The following LSAMP variants were observed in gnomAD, a reference collection of about 807,000 sequenced individuals.
LSAMP encodes the protein limbic system associated membrane protein.
A neutral mutation model predicts 38.6 loss-of-function variants in LSAMP; 7 were observed. The observed-to-expected ratio is 0.18, with a 90% CI of 0.10 to 0.34. The LOEUF is 0.34. Ranked by LOEUF, LSAMP falls within the 10% of genes least tolerant of loss-of-function variation. LSAMP has a pLI of 1.00. For missense variants in LSAMP, 313 were observed against 420.0 expected, an observed-to-expected ratio of 0.75 and a Z score of 2.23; for synonymous variants, 154 against 166.8, an observed-to-expected ratio of 0.92 and a Z score of 0.59.
At chr3:116,144,560 TAC>T (rs1466683772) in intron 1 of LSAMP, among the ~76,000 whole-genome samples, 1 of 38,134 alleles carries the variant, frequency 2.6e-5, no homozygotes, top group African/African-American at 7.5e-5. Flanking sequence ...ATCATCACCT[TAC>T]TTTTTTTTTT....
At chr3:116,027,453 AT>A (rs1331734261) in intron 2 of LSAMP, among the ~76,000 whole-genome samples, 1 of 152,154 alleles carries the variant, frequency 6.6e-6, no homozygotes, top group Admixed American at 6.6e-5. Flanking sequence ...GTTATTTCAT[AT>A]TCTTCCAATG....
rs146413017 is a variant in LSAMP at position 116,357,113 on chromosome 3, T to C, written c.155+87764A>G. Reference sequence around the variant, plus strand: ...CGGCTAGGAAGTCAGTTGCTTATGATGATAGACCTAATCAACACTTAGGTC... The same window carrying C: ...CGGCTAGGAAGTCAGTTGCTTATGACGATAGACCTAATCAACACTTAGGTC... On this transcript the variant is annotated intron_variant, in intron 1 of 6. Transcript: ENST00000490035. Among the ~76,000 whole-genome samples, 942 of 152,246 alleles carry C rather than the reference T, an allele frequency of 6.2e-3. 9 individuals carry two copies. The highest frequency in any genetic ancestry group is 0.022 in the African/African-American group (894 of 41,540).
intron 1 of LSAMP, among the ~76,000 whole-genome samples, chr3:116,098,571 A>AT (rs777520641): frequency 3.9e-5 from 6 of 152,302 alleles, no homozygotes; most frequent in African/African-American, 1.4e-4. Context: ...AATCATAAGA[A>AT]TTTTTTTATG....
intron 1 of LSAMP, among the ~76,000 whole-genome samples, chr3:116,347,083 G>A (rs192133959): frequency 4.9e-4 from 75 of 152,342 alleles, no homozygotes; most frequent in Admixed American, 1.8e-3. Flanking sequence ...CAAACCCAGA[G>A]TGTTGCTGGA....
intron 2 of LSAMP, among the ~76,000 whole-genome samples, chr3:116,083,861 C>T (rs1200902418): frequency 6.6e-6 from 1 of 152,056 alleles, no homozygotes; most frequent in Non-Finnish European, 1.5e-5. Flanking sequence ...GCTGAATGCC[C>T]CAAGGGGAAG....
intron 6 of LSAMP, among the ~76,000 whole-genome samples, chr3:115,839,416 G>A (rs1040849697): frequency 6.6e-6 from 1 of 151,514 alleles, no homozygotes; most frequent in African/African-American, 2.4e-5. Context: ...TGTAACAATA[G>A]ACCTCCCAAA....
At chr3:115,967,282 T>A (rs1037808485) in intron 3 of LSAMP, among the ~76,000 whole-genome samples, 7 of 152,312 alleles carry the variant, frequency 4.6e-5, no homozygotes, top group African/African-American at 1.7e-4. Flanking sequence ...ATGCTGCCAA[T>A]TTCTTTGCTA....
intron 1 of LSAMP, among the ~76,000 whole-genome samples, chr3:116,125,309 T>C (rs59885527): frequency 0.069 from 10,441 of 152,010 alleles, 1,182 homozygotes; most frequent in African/African-American, 0.24. Flanking sequence ...TTTGTTAGCT[T>C]CCTCTTTCTC....
intron 1 of LSAMP, among the ~76,000 whole-genome samples, chr3:116,358,388 T>C (rs946824226): frequency 3.3e-5 from 5 of 152,128 alleles, no homozygotes; most frequent in Non-Finnish European, 2.9e-5. Context: ...TATATGGATA[T>C]AGGGGAGTTG....
intron 1 of LSAMP, among the ~76,000 whole-genome samples, chr3:116,149,149 C>G (rs1490344019): frequency 1.3e-5 from 2 of 151,870 alleles, no homozygotes; most frequent in Admixed American, 6.6e-5. Flanking sequence ...TGGTGGTGAA[C>G]AGTTCACAGT....
intron 1 of LSAMP, among the ~76,000 whole-genome samples, chr3:116,136,283 G>A (rs1378364146): frequency 3.9e-5 from 6 of 152,226 alleles, no homozygotes; most frequent in East Asian, 3.9e-4. Context: ...CCACATTTTG[G>A]TTGTAAAAGA....
At chr3:116,390,499 A>G (rs559358086) in intron 1 of LSAMP, among the ~76,000 whole-genome samples, 1 of 152,216 alleles carries the variant, frequency 6.6e-6, no homozygotes, top group South Asian at 2.1e-4. Context: ...GTATAACAGC[A>G]TGGTGCAGTT....
chr3:116,439,311 ATTTTGTTGTT>A (rs1350973951), intron 1 of LSAMP, among the ~76,000 whole-genome samples: 2 of 130,756 alleles, frequency 1.5e-5, no homozygotes, highest in Non-Finnish European at 3.3e-5. Flanking sequence ...AGGTCCTGAG[ATTTTGTTGTT>A]TTTTTTTTTT....
chr3:115,825,147 A>G (rs1352312262), intron 6 of LSAMP, among the ~76,000 whole-genome samples: 1 of 152,228 alleles, frequency 6.6e-6, no homozygotes, highest in African/African-American at 2.4e-5. Flanking sequence ...ATAACAAGTG[A>G]ATTTGTGAGA....
chr3:115,923,764 C>T (rs1005072157), intron 3 of LSAMP, among the ~76,000 whole-genome samples: 6 of 152,126 alleles, frequency 3.9e-5, no homozygotes, highest in Non-Finnish European at 8.8e-5. Flanking sequence ...TGAACTCCTA[C>T]TTAGATTTCT....
chr3:116,108,396 C>A (rs1436170909), intron 1 of LSAMP, among the ~76,000 whole-genome samples: 1 of 152,032 alleles, frequency 6.6e-6, no homozygotes, highest in East Asian at 1.9e-4. Context: ...AGAAGCCTGG[C>A]CGTCAATACC....
At position 116,324,396 on chromosome 3, in the gene LSAMP, C is replaced by A. The variant is rs1022690510; in HGVS notation, c.155+120481G>T. On this transcript the variant is annotated intron_variant, in intron 1 of 6. Transcript: ENST00000490035. ...TACATCATCAAGCATAATAGTCATTCGTTTACTCACTTAGGAAGAACTAAT... is the reference window on the plus strand; with the variant it reads ...TACATCATCAAGCATAATAGTCATTAGTTTACTCACTTAGGAAGAACTAAT... Among the ~76,000 whole-genome samples, 9 of 152,070 alleles carry A rather than the reference C, an allele frequency of 5.9e-5. No individual in the cohort carries two copies. The East Asian group carries it at 1.7e-3, about 29-fold the overall frequency.
chr3:115,813,464 T>C (rs1316957611), intron 6 of LSAMP, among the ~76,000 whole-genome samples: 1 of 152,158 alleles, frequency 6.6e-6, no homozygotes, highest in Non-Finnish European at 1.5e-5. Context: ...CACATAATAA[T>C]GCATTTCTCA....
chr3:116,180,989 A>G (rs1710472382), intron 1 of LSAMP, among the ~76,000 whole-genome samples: 1 of 152,046 alleles, frequency 6.6e-6, no homozygotes, highest in Non-Finnish European at 1.5e-5. Context: ...TTGGCCAAGA[A>G]CAGTCCAAGA....
Sources: gnomAD v4.1 joint callset for allele counts (sites outside exome capture counted in the v4.1 genomes callset) on GRCh38, gnomAD v4.1.1 for gene constraint, MANE v1.5 for transcripts, NCBI Gene and HGNC (gene_info 2026-07-23, HGNC 2026-07-21) for gene names.